The following DOT1L variants were observed in gnomAD, a reference collection of about 807,000 sequenced individuals.
DOT1L encodes the protein histone-lysine N-methyltransferase, H3 lysine-79 specific.
Under a neutral mutation model 153.3 loss-of-function variants are expected in DOT1L, and 33 were observed. That is an observed-to-expected ratio of 0.22 (90% CI 0.16 to 0.29). The LOEUF (loss-of-function observed/expected upper bound fraction) is 0.29. DOT1L is among the 10% of genes least tolerant of loss of function. The pLI is 1.00. For missense variants in DOT1L, 1,847 were observed against 2,119.9 expected (o/e 0.87, Z 2.53); for synonymous variants, 1,135 against 965.1 (o/e 1.18, Z -3.26).
intron 8 of DOT1L, among the ~76,000 whole-genome samples, chr19:2,202,166 C>T (rs1161744954): frequency 1.3e-5 from 2 of 152,232 alleles, no homozygotes; most frequent in Non-Finnish European, 2.9e-5. Flanking sequence ...GGATGCCTGG[C>T]CTGGGAAAGC....
rs538588181 is a variant in DOT1L, at chr19:2,213,394, A to G, written c.1558-145A>G. On this transcript the variant is annotated intron_variant, in intron 16 of 27. Transcript: ENST00000398665. The stretch of plus-strand genomic sequence containing the variant: ...CCCGCCGTGGCCTGAGTATTTCTTG[A>G]CATCTCAGCCCGGTGTGGGTCCCCT... 1.2e-5 allele frequency: 9 copies of G among 740,858 alleles called. No homozygotes were observed. The East Asian group carries it at 1.9e-4, about 16-fold the overall frequency. The allele number at this position is 740,858 out of a possible 1,614,324, so 45.9% of individuals were successfully genotyped here. A position where few individuals can be genotyped will look rare whatever the true frequency, so the allele number is the denominator to read the frequency against.
chr19:2,188,904 C>A (rs2022668320), intron 3 of DOT1L, among the ~76,000 whole-genome samples: 1 of 152,204 alleles, frequency 6.6e-6, no homozygotes, highest in Non-Finnish European at 1.5e-5. Flanking sequence ...GCCGGTGTTT[C>A]TTGTGGCTCA....
At chr19:2,218,560 A>ATT (rs1455293568) in intron 22 of DOT1L, among the ~76,000 whole-genome samples, 1 of 149,930 alleles carries the variant, frequency 6.7e-6, no homozygotes, top group Non-Finnish European at 1.5e-5. Flanking sequence ...CGCCTGGCTA[A>ATT]TTTTTTGTAT....
chr19:2,225,541 T>C, intron 26 of DOT1L, 89 bp downstream of exon 26: 1 of 1,367,772 alleles, frequency 7.3e-7, no homozygotes, highest in South Asian at 1.2e-5. Flanking sequence ...GCTGGCCCGC[T>C]GCATCGTGTC....
Position 2,227,399 on chromosome 19 carries a change from T to G in DOT1L, c.4606+272T>G, listed in dbSNP as rs1422030654. The G allele has an allele frequency of 3.4e-5, 23 of 683,354 alleles. No homozygotes were observed. The East Asian group carries it at 6.9e-4, about 20-fold the overall frequency. The allele number at this position is 683,354 out of a possible 1,614,324, so 42.3% of individuals were successfully genotyped here. On this transcript the variant is annotated intron_variant, in intron 27 of 27. Transcript: ENST00000398665. Reference sequence around the variant, plus strand: ...GCGCAGGGCCACCAGAGCATTACTTTCTCCCGTGGAGGTCACCTGCTAGGT... The same window carrying G: ...GCGCAGGGCCACCAGAGCATTACTTGCTCCCGTGGAGGTCACCTGCTAGGT...
chr19:2,169,736 C>T (rs1334973776), intron 1 of DOT1L, among the ~76,000 whole-genome samples: 1 of 152,190 alleles, frequency 6.6e-6, no homozygotes, highest in Non-Finnish European at 1.5e-5. Context: ...GCCTGTGCTC[C>T]CAGGTTGCAG....
Position 2,229,851 on chromosome 19 carries a change from G to A in DOT1L, c.*59G>A, listed in dbSNP as rs368390602. On this transcript the variant is annotated 3_prime_UTR_variant, in exon 28 of 28. Coordinates refer to ENST00000398665, the MANE Select transcript of DOT1L (RefSeq NM_032482.3). ...ACGGTGTGGACCAACTCGCGCCCGC[G>A]GCATGGTGCCCGCCGGCCTGCCGGG... 17 of 1,611,866 alleles carry A rather than the reference G, an allele frequency of 1.1e-5. No homozygotes were observed. The highest frequency in any genetic ancestry group is 3.3e-4 in the Middle Eastern group (2 of 6,076).
At chr19:2,180,224 C>G (rs1303799952) in intron 1 of DOT1L, among the ~76,000 whole-genome samples, 1 of 152,198 alleles carries the variant, frequency 6.6e-6, no homozygotes, top group East Asian at 1.9e-4. Context: ...CACCTGCGGT[C>G]ACATACCAGG....
rs2024572928 is a variant in DOT1L at position 2,230,982 on chromosome 19, T to C, written c.*1190T>C. Reference sequence around the variant, plus strand: ...GTGCACTGCTGAAACCTGGCCTCTCTGGCCCTAGGCCCCAGGGTGACGTCG... The same window carrying C: ...GTGCACTGCTGAAACCTGGCCTCTCCGGCCCTAGGCCCCAGGGTGACGTCG... On this transcript the variant is annotated 3_prime_UTR_variant, in exon 28 of 28. Transcript: ENST00000398665. 4.1e-6 allele frequency: 1 copy of C among 246,094 alleles called. No individual in the cohort carries two copies. The highest frequency in any genetic ancestry group is 1.8e-4 in the South Asian group (1 of 5,682). The allele number at this position is 246,094 out of a possible 1,614,324, so 15.2% of individuals were successfully genotyped here. A position where few individuals can be genotyped will look rare whatever the true frequency, so the allele number is the denominator to read the frequency against.
chr19:2,188,637 C>G (rs944833187), intron 3 of DOT1L, among the ~76,000 whole-genome samples: 9 of 152,156 alleles, frequency 5.9e-5, no homozygotes, highest in Admixed American at 1.3e-4. Context: ...CCTGGGGTCC[C>G]CGGTGAGAGC....
chr19:2,166,516 A>G (rs906338385), intron 1 of DOT1L, among the ~76,000 whole-genome samples: 11 of 151,772 alleles, frequency 7.2e-5, no homozygotes, highest in African/African-American at 2.7e-4. Context: ...GGTTCAAGCG[A>G]TTCTCCTGCC....
At chr19:2,174,736 C>T (rs112280301) in intron 1 of DOT1L, among the ~76,000 whole-genome samples, 2 of 151,072 alleles carry the variant, frequency 1.3e-5, no homozygotes, top group African/African-American at 4.9e-5. Flanking sequence ...CCTCCCACTT[C>T]AGTCTCCCAA....
At chr19:2,227,650 T>C (rs2024409103) in intron 27 of DOT1L, 2 of 1,251,702 alleles carry the variant, frequency 1.6e-6, no homozygotes, top group East Asian at 6.8e-5. Context: ...CCGTTTCGCT[T>C]CCCTTTTTGT....
chr19:2,179,786 GACAAACAA>G (rs373685136), intron 1 of DOT1L, among the ~76,000 whole-genome samples: 1 of 152,030 alleles, frequency 6.6e-6, no homozygotes. Flanking sequence ...CAGCCTGGGC[GACAAACAA>G]ACAAACAAAC....
At chr19:2,175,993 G>C (rs1368226421) in intron 1 of DOT1L, among the ~76,000 whole-genome samples, 2 of 152,180 alleles carry the variant, frequency 1.3e-5, no homozygotes, top group Non-Finnish European at 2.9e-5. Flanking sequence ...TGGGCCCTGG[G>C]ATGATCACCC....
intron 8 of DOT1L, among the ~76,000 whole-genome samples, chr19:2,200,996 C>T (rs2023248739): frequency 7.8e-6 from 1 of 128,006 alleles, no homozygotes; most frequent in African/African-American, 3.1e-5. Flanking sequence ...GTCGTCCCCT[C>T]ATTCCTCGTC....
chr19:2,206,657 T>C (rs1416457001), intron 9 of DOT1L, 72 bp from the exon 10 acceptor site: 13 of 1,485,284 alleles, frequency 8.8e-6, no homozygotes, highest in Non-Finnish European at 1.2e-5. Flanking sequence ...GTTCCTTCTC[T>C]GTCACCTTGA....
In DOT1L at chr19:2,189,824, G is replaced by C. The variant is rs760407860; in HGVS notation, c.264+29G>C. 7 of 1,610,092 alleles carry C rather than the reference G, an allele frequency of 4.3e-6. No individual in the cohort carries two copies. In the East Asian group the frequency reaches 1.6e-4, roughly 36 times the overall value. The stretch of plus-strand genomic sequence containing the variant: ...GGTGGCTTGCCCCTGCCCAGAGGGG[G>C]TTAGTAGTGCCAGGCTCCCGGACCC... On this transcript the variant is annotated intron_variant, in intron 4 of 27. Coordinates refer to ENST00000398665, the MANE Select transcript of DOT1L (RefSeq NM_032482.3).
chr19:2,164,579 A>T (rs1369051346), intron 1 of DOT1L: 2 of 217,158 alleles, frequency 9.2e-6, no homozygotes, highest in African/African-American at 4.7e-5. Context: ...CCGCGTTTTG[A>T]CTGGAAGCCC....
Sources: allele counts gnomAD v4.1 joint callset (sites outside exome capture counted in the v4.1 genomes callset), GRCh38; gene constraint gnomAD v4.1.1; transcripts MANE v1.5; gene names NCBI Gene and HGNC (gene_info 2026-07-23, HGNC 2026-07-21).